The following RSPO2 variants were observed in gnomAD, a reference collection of about 807,000 sequenced individuals.
RSPO2 encodes R-spondin 2, also known as R-spondin-2.
In RSPO2, 14 loss-of-function variants were observed where a neutral mutation model predicts 30.9. The ratio of observed to expected loss-of-function variants is 0.45; its 90% confidence interval spans 0.30 to 0.71. The LOEUF is 0.71. Ranked by LOEUF, RSPO2 falls within the 30% of genes least tolerant of loss-of-function variation. The pLI is 0.08. For synonymous variants in RSPO2, 107 were observed against 96.4 expected (o/e 1.11, Z -0.64); for missense variants, 264 against 301.9 (o/e 0.87, Z 0.93).
intron 2 of RSPO2, among the ~76,000 whole-genome samples, chr8:108,070,278 C>CTT (rs1050611219): frequency 0.17 from 13,943 of 81,158 alleles, 1,310 homozygotes; most frequent in Non-Finnish European, 0.22. Flanking sequence ...GACCCCATCT[C>CTT]TTTTTTTTTT....
intron 2 of RSPO2, among the ~76,000 whole-genome samples, chr8:108,076,447 G>A (rs1813016898): frequency 1.3e-5 from 2 of 152,158 alleles, no homozygotes; most frequent in Admixed American, 6.5e-5. Flanking sequence ...TGGAGGATGA[G>A]GAGTCTATGA....
chr8:108,069,147 G>A (rs1369331487), intron 2 of RSPO2, among the ~76,000 whole-genome samples: 3 of 152,088 alleles, frequency 2.0e-5, no homozygotes, highest in Non-Finnish European at 4.4e-5. Flanking sequence ...AAATCAATGA[G>A]AAAACCTTGT....
At chr8:107,907,992 A>G (rs1010110860) in intron 5 of RSPO2, among the ~76,000 whole-genome samples, 1 of 152,078 alleles carries the variant, frequency 6.6e-6, no homozygotes, top group East Asian at 1.9e-4. Context: ...ATGGAAATGG[A>G]AAAAAAGCTA....
At chr8:108,081,938 C>A in intron 2 of RSPO2, 7 of 980,534 alleles carry the variant, frequency 7.1e-6, no homozygotes, top group Non-Finnish European at 8.5e-6. Context: ...CCCATCTCGT[C>A]GCAGTTTCCA....
At chr8:108,055,246 C>A (rs940849429) in intron 2 of RSPO2, among the ~76,000 whole-genome samples, 2 of 152,054 alleles carry the variant, frequency 1.3e-5, no homozygotes, top group African/African-American at 4.8e-5. Flanking sequence ...ACAGCAAATG[C>A]AAAGGTAATG....
chr8:107,941,572 C>T (rs1411906941), intron 5 of RSPO2, among the ~76,000 whole-genome samples: 2 of 152,140 alleles, frequency 1.3e-5, no homozygotes, highest in Non-Finnish European at 2.9e-5. Context: ...TAAATGAAAG[C>T]TATCATAAAT....
At position 108,008,787 on chromosome 8, in the gene RSPO2, CA is replaced by C. The variant is rs71308768; in HGVS notation, c.95-19544del. On this transcript the variant is annotated intron_variant, in intron 2 of 5. Transcript: ENST00000276659. Reference sequence around the variant, plus strand: ...GGCTATCTAAAAAGGTCATAAACTGCAAAAAAAAAAAAATAAAGAAAAAGGT... The same window carrying C: ...GGCTATCTAAAAAGGTCATAAACTGCAAAAAAAAAAAATAAAGAAAAAGGT... Among the ~76,000 whole-genome samples the C allele has an allele frequency of 5.4e-3, 668 of 123,562 alleles. 22 individuals are homozygous for C. The East Asian group carries it at 0.12, about 21-fold the overall frequency. 81.1% of individuals were successfully genotyped at this position (123,562 alleles called of 152,430 possible). A position where few individuals can be genotyped will look rare whatever the true frequency, so the allele number is the denominator to read the frequency against.
At chr8:108,060,753 T>C (rs1480322143) in intron 2 of RSPO2, among the ~76,000 whole-genome samples, 1 of 149,918 alleles carries the variant, frequency 6.7e-6, no homozygotes, top group Non-Finnish European at 1.5e-5. Flanking sequence ...AAAGTTGAAA[T>C]GAAGGAAAAA....
chr8:107,936,371 T>G (rs977726193), intron 5 of RSPO2, among the ~76,000 whole-genome samples: 2 of 152,188 alleles, frequency 1.3e-5, no homozygotes, highest in African/African-American at 4.8e-5. Flanking sequence ...CTTGGTTTGA[T>G]TCCATATCTT....
intron 2 of RSPO2, among the ~76,000 whole-genome samples, chr8:108,057,094 A>T (rs1812278604): frequency 8.1e-6 from 1 of 123,962 alleles, no homozygotes; most frequent in African/African-American, 2.9e-5. Context: ...AAAAAAAAAG[A>T]CGTATAAAAT....
chr8:108,076,441 G>A (rs970375266), intron 2 of RSPO2, among the ~76,000 whole-genome samples: 1 of 152,220 alleles, frequency 6.6e-6, no homozygotes, highest in Non-Finnish European at 1.5e-5. Flanking sequence ...AGATGCTGGA[G>A]GATGAGGAGT....
At chr8:108,044,995 A>T (rs866146139) in intron 2 of RSPO2, among the ~76,000 whole-genome samples, 1 of 152,196 alleles carries the variant, frequency 6.6e-6, no homozygotes, top group Non-Finnish European at 1.5e-5. Flanking sequence ...CCTAGGAAAT[A>T]CTGTTCTGGA....
chr8:108,024,239 T>C (rs566942555), intron 2 of RSPO2, among the ~76,000 whole-genome samples: 3 of 152,288 alleles, frequency 2.0e-5, no homozygotes, highest in Middle Eastern at 3.4e-3. Flanking sequence ...CCTGAAAATA[T>C]ACTTGGCACA....
At chr8:108,053,130 T>C (rs575044872) in intron 2 of RSPO2, among the ~76,000 whole-genome samples, 2 of 152,246 alleles carry the variant, frequency 1.3e-5, no homozygotes, top group African/African-American at 2.4e-5. Context: ...ATCTGCTAGA[T>C]AGTACAACCT....
At chr8:107,941,575 TC>T (rs1404800245) in intron 5 of RSPO2, among the ~76,000 whole-genome samples, 4 of 152,208 alleles carry the variant, frequency 2.6e-5, no homozygotes, top group Non-Finnish European at 4.4e-5. Context: ...ATGAAAGCTA[TC>T]ATAAATTACT....
chr8:108,005,389 C>G (rs1413249197), intron 2 of RSPO2, among the ~76,000 whole-genome samples: 5 of 152,068 alleles, frequency 3.3e-5, no homozygotes, highest in Admixed American at 6.5e-5. Context: ...GTTTTGGCAT[C>G]CAAGAATTGA....
At chr8:108,057,384 T>C (rs983053399) in intron 2 of RSPO2, among the ~76,000 whole-genome samples, 13 of 152,170 alleles carry the variant, frequency 8.5e-5, no homozygotes, top group Non-Finnish European at 1.8e-4. Flanking sequence ...ATTTTCTTCA[T>C]AGTGTTGTTC....
intron 2 of RSPO2, among the ~76,000 whole-genome samples, chr8:107,995,704 C>T (rs1814994550): frequency 6.6e-6 from 1 of 152,126 alleles, no homozygotes. Context: ...CCTCCTCTAG[C>T]TTCTATGATA....
chr8:107,966,491 G>A (rs1489109385), intron 3 of RSPO2, among the ~76,000 whole-genome samples: 1 of 152,188 alleles, frequency 6.6e-6, no homozygotes, highest in African/African-American at 2.4e-5. Flanking sequence ...TAACCTTCCT[G>A]AAAGCAGAAG....
Sources: allele counts gnomAD v4.1 joint callset (sites outside exome capture counted in the v4.1 genomes callset), GRCh38; gene constraint gnomAD v4.1.1; transcripts MANE v1.5; gene names NCBI Gene and HGNC (gene_info 2026-07-23, HGNC 2026-07-21).